Variants in SLC41A2 observed in about 807,000 individuals in gnomAD.
The protein encoded by SLC41A2 is SLC41A1-like 1.
Under a neutral mutation model 58.3 loss-of-function variants are expected in SLC41A2, and 32 were observed. That is an observed-to-expected ratio of 0.55 (90% CI 0.41 to 0.74). SLC41A2 has a LOEUF of 0.74. Among genes scored for constraint, SLC41A2 ranks in the 30% least tolerant of loss-of-function variants. SLC41A2 has a pLI of 0.00. For missense variants in SLC41A2, 514 were observed against 680.6 expected (o/e 0.76, Z 2.72); for synonymous variants, 190 against 235.0 (o/e 0.81, Z 1.75).
chr12:104,828,618 C>T (rs79631107), intron 10 of SLC41A2, among the ~76,000 whole-genome samples: 4,753 of 152,068 alleles, frequency 0.031, 107 homozygotes, highest in East Asian at 0.12. Flanking sequence ...CAGTGGTGTA[C>T]GGAAGAAGCG....
At chr12:104,953,922 A>G (rs2048050929) in intron 1 of SLC41A2, among the ~76,000 whole-genome samples, 1 of 152,184 alleles carries the variant, frequency 6.6e-6, no homozygotes, top group Non-Finnish European at 1.5e-5. Context: ...AAAAGGAAAG[A>G]GGGATCAAAT....
chr12:104,904,330 C>T (rs936105775), intron 3 of SLC41A2, among the ~76,000 whole-genome samples: 2 of 152,182 alleles, frequency 1.3e-5, no homozygotes, highest in Admixed American at 6.5e-5. Context: ...CCTTTTAACT[C>T]CCATTCAAAT....
chr12:104,949,022 C>A (rs1364493101), intron 1 of SLC41A2, among the ~76,000 whole-genome samples: 1 of 152,066 alleles, frequency 6.6e-6, no homozygotes, highest in Non-Finnish European at 1.5e-5. Context: ...TCGAGACCAG[C>A]CTGATCAACA....
intron 10 of SLC41A2, among the ~76,000 whole-genome samples, chr12:104,837,980 T>C (rs539800828): frequency 6.6e-6 from 1 of 152,326 alleles, no homozygotes; most frequent in South Asian, 2.1e-4. Context: ...ATTTCTACAA[T>C]GCTCTGCTTA....
intron 1 of SLC41A2, among the ~76,000 whole-genome samples, chr12:104,943,865 C>T (rs1010401558): frequency 4.6e-5 from 7 of 152,128 alleles, no homozygotes; most frequent in African/African-American, 1.2e-4. Context: ...CACTAAAATG[C>T]TAATTAGGCA....
At chr12:104,917,690 C>T (rs10861294) in intron 2 of SLC41A2, among the ~76,000 whole-genome samples, 107,080 of 150,916 alleles carry the variant, frequency 0.71, 38,587 homozygotes, top group African/African-American at 0.84. Flanking sequence ...ATGGATGAAA[C>T]TGGAAATCAT....
chr12:104,885,547 T>C (rs2044614752), intron 6 of SLC41A2, among the ~76,000 whole-genome samples: 1 of 152,190 alleles, frequency 6.6e-6, no homozygotes, highest in African/African-American at 2.4e-5. Context: ...ACTCATGTTT[T>C]TTTCTTGTAT....
chr12:104,932,146 G>T (rs1170805975), intron 1 of SLC41A2, among the ~76,000 whole-genome samples: 1 of 152,036 alleles, frequency 6.6e-6, no homozygotes, highest in Non-Finnish European at 1.5e-5. Context: ...TTCAATGCTT[G>T]CTTATTGACA....
intron 3 of SLC41A2, among the ~76,000 whole-genome samples, chr12:104,903,706 A>C (rs553383100): frequency 6.6e-6 from 1 of 152,278 alleles, no homozygotes; most frequent in South Asian, 2.1e-4. Context: ...CTTCTTATTT[A>C]CGTTTTCTTA....
chr12:104,810,319 A>G (rs1223473428), intron 10 of SLC41A2, among the ~76,000 whole-genome samples: 1 of 152,202 alleles, frequency 6.6e-6, no homozygotes, highest in African/African-American at 2.4e-5. Context: ...TAATGTATAC[A>G]GGAGGAAACA....
chr12:104,888,206 T>TA (rs1177397025), intron 5 of SLC41A2, among the ~76,000 whole-genome samples: 1 of 152,088 alleles, frequency 6.6e-6, no homozygotes. Flanking sequence ...ACTACCCCGA[T>TA]ACAATTAAAC....
chr12:104,891,796 C>T (rs1248072378), intron 4 of SLC41A2, among the ~76,000 whole-genome samples: 2 of 151,896 alleles, frequency 1.3e-5, no homozygotes, highest in Admixed American at 1.3e-4. Flanking sequence ...TTGGAAAAAC[C>T]TAAAGACTCC....
chr12:104,895,899 A>G (rs773998311), intron 3 of SLC41A2, among the ~76,000 whole-genome samples: 1 of 152,186 alleles, frequency 6.6e-6, no homozygotes, highest in Non-Finnish European at 1.5e-5. Flanking sequence ...TCTTTCTGCT[A>G]AATGGAAGAA....
chr12:104,954,674 C>A (rs1442397483), intron 1 of SLC41A2, among the ~76,000 whole-genome samples: 1 of 152,102 alleles, frequency 6.6e-6, no homozygotes, highest in Non-Finnish European at 1.5e-5. Flanking sequence ...CCGAAATTAC[C>A]AGCCTCATTC....
At chr12:104,837,568 G>A (rs575328541) in intron 10 of SLC41A2, among the ~76,000 whole-genome samples, 1 of 152,262 alleles carries the variant, frequency 6.6e-6, no homozygotes, top group African/African-American at 2.4e-5. Context: ...GGAGATATCA[G>A]TCTGGAAGTA....
chr12:104,817,103 A>G (rs936285911), intron 10 of SLC41A2, among the ~76,000 whole-genome samples: 14 of 152,236 alleles, frequency 9.2e-5, no homozygotes, highest in African/African-American at 3.4e-4. Context: ...TGTTGTTCCT[A>G]GTCTACAAAC....
chr12:104,808,570 T>G (rs908314403), intron 10 of SLC41A2, among the ~76,000 whole-genome samples: 12 of 152,230 alleles, frequency 7.9e-5, no homozygotes, highest in Non-Finnish European at 1.3e-4. Context: ...ATCAGGATGA[T>G]GCTGGCCTCA....
In SLC41A2 at chr12:104,839,657, C is replaced by T. The variant is rs375722660; in HGVS notation, c.1536+4815G>A. On this transcript the variant is annotated intron_variant, in intron 10 of 10. Coordinates refer to ENST00000258538, the MANE Select transcript of SLC41A2 (RefSeq NM_001352171.3). ...TAGCTGGGATTACAGGCGTGCACCA[C>T]CACGCCCTGCTAATTTTTTGTATTT... Among the ~76,000 whole-genome samples the T allele has an allele frequency of 3.3e-5, 5 of 152,178 alleles. No homozygotes were observed. The South Asian group carries it at 6.2e-4, about 19-fold the overall frequency.
chr12:104,884,724 G>T (rs1345110275), intron 6 of SLC41A2, among the ~76,000 whole-genome samples: 1 of 152,174 alleles, frequency 6.6e-6, no homozygotes, highest in Non-Finnish European at 1.5e-5. Flanking sequence ...CCTAACTCAT[G>T]CCGTTACTGG....
Sources: gnomAD v4.1 joint callset for allele counts (sites outside exome capture counted in the v4.1 genomes callset) on GRCh38, gnomAD v4.1.1 for gene constraint, MANE v1.5 for transcripts, NCBI Gene and HGNC (gene_info 2026-07-23, HGNC 2026-07-21) for gene names.